The following APOL4 variants were observed in gnomAD, a reference collection of about 807,000 sequenced individuals.
The protein encoded by APOL4 is apolipoprotein L4, also known as apolipoprotein L, 4.
In APOL4, 14 loss-of-function variants were observed where a neutral mutation model predicts 12.1. The ratio of observed to expected loss-of-function variants is 1.16; its 90% CI spans 0.76 to 1.81. APOL4 has a LOEUF of 1.81. APOL4 is among the 40% of genes most tolerant of loss of function. APOL4 has a pLI of 0.00. For synonymous variants in APOL4, 171 were observed against 160.6 expected (o/e 1.06, Z -0.49); for missense variants, 432 against 423.1 (o/e 1.02, Z -0.18).
At chr22:36,197,546 G>A in intron 2 of APOL4, 3 of 1,391,314 alleles carry the variant, frequency 2.2e-6, no homozygotes, top group Admixed American at 3.2e-5. Flanking sequence ...ACATTCCCGG[G>A]CAAACAAAAC....
intron 3 of APOL4, among the ~76,000 whole-genome samples, chr22:36,193,472 C>A (rs980128691): frequency 1.3e-5 from 2 of 152,202 alleles, no homozygotes; most frequent in Non-Finnish European, 2.9e-5. Context: ...ACAACTGAAA[C>A]CCTCTCAGAC....
chr22:36,191,839 G>GCATGTCTTT lies in APOL4; in HGVS notation c.274_282dup (p.Lys92_Met94dup), dbSNP rs2014265597. ...TCCCTAAACTGCTGTTCTTTTTGCT[G>GCATGTCTTT]CATGTCTTTGTCCTCAATAGCCACA... is the stretch of plus-strand genomic sequence containing the variant. On this transcript the variant is annotated inframe_insertion, in exon 4 of 4. Transcript: ENST00000683024. 4 of 1,613,550 alleles carry GCATGTCTTT rather than the reference G, an allele frequency of 2.5e-6. No homozygotes were observed. Among genetic ancestry groups the GCATGTCTTT allele is most frequent in the Non-Finnish European group, 2.5e-6 (3 of 1,179,958 alleles).
At chr22:36,200,493 T>C (rs556547751) in intron 1 of APOL4, among the ~76,000 whole-genome samples, 103 of 152,368 alleles carry the variant, frequency 6.8e-4, no homozygotes, top group African/African-American at 2.4e-3. Context: ...GCCTAGCCCC[T>C]GCTGTGGCTG....
Position 36,191,698 on chromosome 22 carries a change from C to T in APOL4, c.424G>A (p.Val142Met). The T allele has an allele frequency of 6.2e-7, 1 of 1,614,090 alleles. No homozygotes were observed. The highest frequency in any genetic ancestry group is 8.5e-7 in the Non-Finnish European group (1 of 1,179,918). ...AGGATGCCAGTGGAGCCAGACACCA[C>T]ATTGGCGATGACGCAGCCTCTGTGG... ...KVHRGCVIAN[V>M]VSGSTGILSV... Residue 142 changes from valine (V) to methionine (M), a missense_variant, in exon 4 of 4, where the codon GTG becomes ATG. Transcript: ENST00000683024.
chr22:36,195,772 TCTCTCACACACACACACACACA>T (rs1322910032), intron 2 of APOL4, among the ~76,000 whole-genome samples: 2 of 140,220 alleles, frequency 1.4e-5, no homozygotes, highest in South Asian at 2.4e-4. Flanking sequence ...TCTCTCTCTC[TCTCTCACACACACACACACACA>T]CACACACACA....
In APOL4 at chr22:36,195,291, G is replaced by A. The variant is rs537364110; in HGVS notation, c.209+20C>T. ...TGGCATCACCGGGGTGCCCCAAGGA[G>A]GTAACCCCATGGAGGTTACCTGGGC... is the stretch of plus-strand genomic sequence containing the variant. On this transcript the variant is annotated intron_variant, in intron 3 of 3. Coordinates refer to ENST00000683024, the MANE Select transcript of APOL4 (RefSeq NM_001386885.1). The A allele has an allele frequency of 6.2e-7, 1 of 1,611,690 alleles. No individual in the cohort carries two copies. Among genetic ancestry groups the A allele is most frequent in the Admixed American group, 1.7e-5 (1 of 59,730 alleles).
In APOL4 at chr22:36,191,622, C is replaced by T. The variant is rs1368339124; in HGVS notation, c.500G>A (p.Ser167Asn). ...CAGCCCTACCCCAGCTGCAGTAATG[C>T]TCAGGCTCAGCCCTGCTGTAAATGG... is the stretch of plus-strand genomic sequence containing the variant. ...LAPFTAGLSL[S>N]ITAAGVGLGI... The change falls in exon 4 of 4, where the codon AGC (serine) becomes AAC (asparagine). Residue 167 changes from serine (S) to asparagine (N), a missense_variant. By Grantham distance (46) the Ser-to-Asn change is conservative (BLOSUM62 1). Coordinates refer to ENST00000683024, the MANE Select transcript of APOL4 (RefSeq NM_001386885.1). 1.2e-6 allele frequency: 2 copies of T among 1,613,762 alleles called. No homozygotes were observed. Among genetic ancestry groups the T allele is most frequent in the Non-Finnish European group, 1.7e-6 (2 of 1,179,728 alleles).
At chr22:36,194,380 C>T (rs896083432) in intron 3 of APOL4, among the ~76,000 whole-genome samples, 1 of 152,192 alleles carries the variant, frequency 6.6e-6, no homozygotes, top group African/African-American at 2.4e-5. Flanking sequence ...GACCATGTTA[C>T]ATTTCATGCT....
In APOL4 at chr22:36,195,994, C is replaced by T. The variant is rs1175722167; in HGVS notation, c.83-557G>A. Among the ~76,000 whole-genome samples, 3 of 152,160 alleles carry T rather than the reference C, an allele frequency of 2.0e-5. No homozygotes were observed. In the East Asian group the frequency reaches 5.8e-4, roughly 29 times the overall value. On this transcript the variant is annotated intron_variant, in intron 2 of 3. Coordinates refer to ENST00000683024, the MANE Select transcript of APOL4 (RefSeq NM_001386885.1). ...AGCTTGTGGCATTTTACTAAGGCAT[C>T]CTGAGAAGAGTGATTCACCAGGGAA...
chr22:36,198,913 A>G (rs1313825715), intron 2 of APOL4, among the ~76,000 whole-genome samples: 1 of 152,198 alleles, frequency 6.6e-6, no homozygotes, highest in East Asian at 1.9e-4. Context: ...GAAACACCCC[A>G]GGGTCAGCCA....
intron 2 of APOL4, among the ~76,000 whole-genome samples, chr22:36,197,070 C>T (rs1038618503): frequency 3.9e-5 from 6 of 152,168 alleles, no homozygotes; most frequent in African/African-American, 1.4e-4. Flanking sequence ...CACGGCTCCC[C>T]ACTGGCACCT....
intron 2 of APOL4, among the ~76,000 whole-genome samples, chr22:36,198,110 T>C (rs1456236781): frequency 6.6e-6 from 1 of 152,132 alleles, no homozygotes; most frequent in Non-Finnish European, 1.5e-5. Context: ...CTCTTCTGAG[T>C]CCGCCTGCAC....
At chr22:36,195,537 G>A in intron 2 of APOL4, 100 bp from the exon 3 acceptor site, 1 of 1,356,318 alleles carries the variant, frequency 7.4e-7, no homozygotes, top group South Asian at 1.4e-5. Flanking sequence ...TGAACCAGCT[G>A]TCACATGGGG....
Position 36,199,385 on chromosome 22 carries a change from A to T in APOL4, c.36-9T>A. On this transcript the variant is annotated splice_polypyrimidine_tract_variant and intron_variant, in intron 1 of 3. Transcript: ENST00000683024. The stretch of plus-strand genomic sequence containing the variant: ...GATGGTTTTGCTGCACCCTTGAGGA[A>T]GAGAAAACAAATTGTGGGATTGAAT... 1 of 1,614,016 alleles carries T rather than the reference A, an allele frequency of 6.2e-7. No individual in the cohort carries two copies. The highest frequency in any genetic ancestry group is 8.5e-7 in the Non-Finnish European group (1 of 1,179,852).
chr22:36,202,188 C>A, upstream of APOL4: 1 of 1,232,774 alleles, frequency 8.1e-7, no homozygotes, highest in Non-Finnish European at 1.2e-6. Flanking sequence ...CTCATTGCTG[C>A]CTAGATCTGC....
At chr22:36,199,509 TTCTC>T in intron 1 of APOL4, 133 bp from the exon 2 acceptor site, 1 of 1,608,296 alleles carries the variant, frequency 6.2e-7, no homozygotes, top group Non-Finnish European at 8.5e-7. Context: ...CCCAGATTCT[TTCTC>T]TATCACCAAG....
rs780896593 is a variant in APOL4 at position 36,191,272 on chromosome 22, T to C, written c.850A>G (p.Lys284Glu). The change falls in exon 4 of 4, where the codon AAA becomes GAA. Residue 284 changes from lysine (K) to glutamate (E), a missense_variant. Lys to Glu is a moderately conservative substitution (Grantham distance 56, BLOSUM62 1). Coordinates refer to ENST00000683024, the MANE Select transcript of APOL4 (RefSeq NM_001386885.1). ...TRGAPTRIVR[K>E]VARNLGKATS... ...GCCTTGCCCAGGTTCCGGGCTACTT[T>C]TCTCACTATCCGGGTGGGGGCCCCA... is the stretch of plus-strand genomic sequence containing the variant. 4.3e-5 allele frequency: 70 copies of C among 1,613,944 alleles called. No homozygotes were observed. The highest frequency in any genetic ancestry group is 2.0e-5 in the Non-Finnish European group (24 of 1,179,908).
intron 1 of APOL4, among the ~76,000 whole-genome samples, chr22:36,199,901 A>G (rs1010528064): frequency 1.3e-5 from 2 of 152,056 alleles, no homozygotes; most frequent in African/African-American, 4.8e-5. Flanking sequence ...GCCGCCTCCC[A>G]GGTTCACGCC....
intron 3 of APOL4, among the ~76,000 whole-genome samples, chr22:36,194,932 G>A (rs746545008): frequency 9.2e-5 from 14 of 152,358 alleles, no homozygotes; most frequent in South Asian, 8.3e-4. Context: ...TTTGTAAAAG[G>A]TAACGCTAAC....
Sources: allele counts gnomAD v4.1 joint callset (sites outside exome capture counted in the v4.1 genomes callset), GRCh38; gene constraint gnomAD v4.1.1; transcripts MANE v1.5; gene names NCBI Gene and HGNC (gene_info 2026-07-23, HGNC 2026-07-21).